Variants in PTPN14 observed in about 807,000 individuals in gnomAD.
PTPN14 encodes the protein protein tyrosine phosphatase non-receptor type 14, also known as tyrosine-protein phosphatase non-receptor type 14.
In PTPN14, 53 loss-of-function variants were observed where a neutral mutation model predicts 126.8. The observed-to-expected ratio is 0.42, with a 90% CI of 0.34 to 0.53. The LOEUF (loss-of-function observed/expected upper bound fraction) is 0.53, where lower values mean the gene tolerates loss of function less well. Among genes scored for constraint, PTPN14 ranks in the 20% least tolerant of loss-of-function variants. The pLI is 0.08. For synonymous variants in PTPN14, 630 were observed against 599.3 expected, an observed-to-expected ratio of 1.05 and a Z score of -0.75; for missense variants, 1,257 against 1,552.9, an observed-to-expected ratio of 0.81 and a Z score of 3.20.
rs1445972431 is a variant in PTPN14, at chr1:214,406,501, A to AG, written c.511-3549dup. 2.0e-5 allele frequency among the ~76,000 whole-genome samples: 3 copies of AG among 151,826 alleles called. No individual in the cohort carries two copies. The East Asian group carries it at 5.8e-4, about 29-fold the overall frequency. On this transcript the variant is annotated intron_variant, in intron 5 of 18. Coordinates refer to ENST00000366956, the MANE Select transcript of PTPN14 (RefSeq NM_005401.5). The stretch of plus-strand genomic sequence containing the variant: ...CTGAAAAAAAAAAAAGAAAAAAAAA[A>AG]GTAGCCAATGCAATCTAGCAACTAA...
At chr1:214,504,435 T>C (rs1422321888) in intron 1 of PTPN14, among the ~76,000 whole-genome samples, 4 of 152,194 alleles carry the variant, frequency 2.6e-5, no homozygotes, top group African/African-American at 7.2e-5. Flanking sequence ...TGGAAGCCTG[T>C]GCTCTTCCTG....
intron 1 of PTPN14, among the ~76,000 whole-genome samples, chr1:214,504,372 C>G (rs891415224): frequency 6.6e-6 from 1 of 152,196 alleles, no homozygotes; most frequent in Non-Finnish European, 1.5e-5. Flanking sequence ...AGAACAGACT[C>G]AGCATCAGGT....
At chr1:214,504,138 C>A (rs1654773729) in intron 1 of PTPN14, among the ~76,000 whole-genome samples, 1 of 152,202 alleles carries the variant, frequency 6.6e-6, no homozygotes, top group African/African-American at 2.4e-5. Flanking sequence ...AAAGAAAAAT[C>A]TTTCAATTTA....
chr1:214,442,031 T>C lies in PTPN14; in HGVS notation c.344+9774A>G, dbSNP rs143563113. Among the ~76,000 whole-genome samples, 5 of 152,362 alleles carry C rather than the reference T, an allele frequency of 3.3e-5. No homozygotes were observed. In the East Asian group the frequency reaches 9.6e-4, roughly 29 times the overall value. On this transcript the variant is annotated intron_variant, in intron 3 of 18. Transcript: ENST00000366956. ...CACAAAGGATAAAAATCAATACCTC[T>C]GCTTAAGAACTTATTTTCAAAATAG...
At chr1:214,491,452 G>A (rs914259814) in intron 1 of PTPN14, among the ~76,000 whole-genome samples, 2 of 152,138 alleles carry the variant, frequency 1.3e-5, no homozygotes, top group Non-Finnish European at 2.9e-5. Context: ...AGTGGGGAGC[G>A]ATGGTTTTGG....
Position 214,384,111 on chromosome 1 carries a change from G to A in PTPN14, c.1744C>T (p.Leu582=), listed in dbSNP as rs1456402327. The change falls in exon 13 of 19, where the codon CTG becomes TTG. Residue 582 remains leucine (L), a synonymous_variant. Coordinates refer to ENST00000366956, the MANE Select transcript of PTPN14 (RefSeq NM_005401.5). This position sits in a 1 kb window ranked among gnomAD's most constrained non-coding sequence, Gnocchi z 5.3. ...ACGTACTTGTGGCGGTGGCTGGCCA[G>A]GTCTGGGGTGCTGGTGGCAGGTCGT... The part of the protein sequence containing the change: ...RPRPATSTPD[L]ASHRHKYVSG... 6.3e-7 allele frequency: 1 copy of A among 1,574,972 alleles called. No homozygotes were observed. The highest frequency in any genetic ancestry group is 1.2e-5 in the South Asian group (1 of 85,312).
chr1:214,482,762 G>A lies in PTPN14; in HGVS notation c.-154-17805C>T, dbSNP rs1661022239. On this transcript the variant is annotated intron_variant, in intron 1 of 18. Coordinates refer to ENST00000366956, the MANE Select transcript of PTPN14 (RefSeq NM_005401.5). Reference sequence around the variant, plus strand: ...AAACAACTGCATGGTAAACTTAGATGACTCTTCCCCCTGGATTTTACCTGG... The same window carrying A: ...AAACAACTGCATGGTAAACTTAGATAACTCTTCCCCCTGGATTTTACCTGG... 6 of 1,568,196 alleles carry A rather than the reference G, an allele frequency of 3.8e-6. No homozygotes were observed. In the African/African-American group the frequency reaches 4.1e-5, roughly 11 times the overall value.
chr1:214,537,693 C>T (rs80201281), intron 1 of PTPN14, among the ~76,000 whole-genome samples: 3 of 152,196 alleles, frequency 2.0e-5, no homozygotes, highest in South Asian at 2.1e-4. Flanking sequence ...TCACCTATAA[C>T]TACTTTTACT....
At chr1:214,429,164 A>G (rs1347646327) in intron 3 of PTPN14, among the ~76,000 whole-genome samples, 1 of 152,222 alleles carries the variant, frequency 6.6e-6, no homozygotes, top group Non-Finnish European at 1.5e-5. Context: ...ATTTCCTCAT[A>G]AAAGTCATGA....
chr1:214,502,078 AAAAAG>A (rs1262014985), intron 1 of PTPN14, among the ~76,000 whole-genome samples: 7 of 151,866 alleles, frequency 4.6e-5, no homozygotes, highest in African/African-American at 1.7e-4. Flanking sequence ...AAAAAAAAAA[AAAAAG>A]GTTATTTTTC....
chr1:214,519,946 G>A (rs928106504), intron 1 of PTPN14, among the ~76,000 whole-genome samples: 8 of 150,816 alleles, frequency 5.3e-5, no homozygotes, highest in Middle Eastern at 3.2e-3. Context: ...ACTTGGGAGG[G>A]TGAGGTGGGA....
intron 1 of PTPN14, among the ~76,000 whole-genome samples, chr1:214,521,890 GTTGT>G (rs1655266900): frequency 1.5e-5 from 2 of 136,868 alleles, no homozygotes; most frequent in Admixed American, 7.3e-5. Context: ...TAAGATTTTT[GTTGT>G]TTTTTTTTTT....
chr1:214,380,501 A>T (rs1331064148), intron 13 of PTPN14, among the ~76,000 whole-genome samples: 1 of 152,212 alleles, frequency 6.6e-6, no homozygotes, highest in East Asian at 1.9e-4. Context: ...GGGGACTACA[A>T]GCAGGGAAGT....
At chr1:214,378,884 A>AC (rs1200351544) in intron 13 of PTPN14, among the ~76,000 whole-genome samples, 1 of 151,412 alleles carries the variant, frequency 6.6e-6, no homozygotes, top group African/African-American at 2.5e-5. Context: ...AACTGAGCAG[A>AC]CCACTTAGGG....
intron 3 of PTPN14, among the ~76,000 whole-genome samples, chr1:214,440,135 G>A (rs1660006907): frequency 6.6e-6 from 1 of 152,160 alleles, no homozygotes; most frequent in Non-Finnish European, 1.5e-5. Context: ...AACCATTCCA[G>A]AACCACCTTA....
intron 10 of PTPN14, among the ~76,000 whole-genome samples, chr1:214,393,113 C>T (rs759587809): frequency 8.5e-5 from 13 of 152,172 alleles, no homozygotes; most frequent in East Asian, 1.9e-4. Context: ...CCTCATCACA[C>T]GCCTCTTTAT....
chr1:214,502,328 T>C (rs1487811379), intron 1 of PTPN14, among the ~76,000 whole-genome samples: 1 of 152,154 alleles, frequency 6.6e-6, no homozygotes, highest in African/African-American at 2.4e-5. Flanking sequence ...GAGAGAGATC[T>C]GTGTTCAACC....
At chr1:214,405,226 T>G (rs1022404628) in intron 5 of PTPN14, among the ~76,000 whole-genome samples, 5 of 152,198 alleles carry the variant, frequency 3.3e-5, no homozygotes, top group African/African-American at 1.2e-4. Context: ...TCTCCCCAGC[T>G]GGACGTAAGC....
intron 13 of PTPN14, among the ~76,000 whole-genome samples, chr1:214,379,608 G>A (rs951406364): frequency 5.9e-5 from 9 of 152,334 alleles, no homozygotes; most frequent in African/African-American, 2.2e-4. Context: ...GGCACTGCTT[G>A]GGCAAACCTG....
Sources: allele counts gnomAD v4.1 joint callset (sites outside exome capture counted in the v4.1 genomes callset), GRCh38; gene constraint gnomAD v4.1.1; non-coding constraint Gnocchi (gnomAD v3.1); transcripts MANE v1.5; gene names NCBI Gene and HGNC (gene_info 2026-07-23, HGNC 2026-07-21).